TXNDC8: variants seen among roughly 807,000 people sequenced by gnomAD.
TXNDC8 encodes thioredoxin domain containing 8, also known as thioredoxin domain-containing protein 8.
In TXNDC8, 15 loss-of-function variants were observed where a neutral mutation model predicts 12.9. That is an observed-to-expected ratio of 1.16 (90% CI 0.78 to 1.79). TXNDC8 has a LOEUF of 1.79. Among genes scored for constraint, TXNDC8 ranks in the 40% most tolerant of loss-of-function variants. The probability of loss-of-function intolerance (pLI) is 0.00; values close to 1 mark genes in which losing one functional copy is unlikely to be tolerated. For synonymous variants in TXNDC8, 40 were observed against 35.4 expected (o/e 1.13, Z -0.46); for missense variants, 128 against 113.2 (o/e 1.13, Z -0.59).
At chr9:110,331,655 G>C (rs1181563143) in intron 2 of TXNDC8, among the ~76,000 whole-genome samples, 6 of 152,152 alleles carry the variant, frequency 3.9e-5, no homozygotes, top group Non-Finnish European at 5.9e-5. Context: ...GACTGGGGGT[G>C]GGGGGATGGT....
chr9:110,325,277 A>G (rs1283635754), intron 3 of TXNDC8, among the ~76,000 whole-genome samples: 1 of 152,214 alleles, frequency 6.6e-6, no homozygotes, highest in East Asian at 1.9e-4. Flanking sequence ...AATTCATTTA[A>G]TTATCACACC....
intron 1 of TXNDC8, among the ~76,000 whole-genome samples, chr9:110,336,954 A>T (rs867229147): frequency 1.4e-4 from 22 of 152,218 alleles, no homozygotes; most frequent in African/African-American, 4.6e-4. Flanking sequence ...ATTCTGTGAC[A>T]TCCCCAGAAT....
At chr9:110,323,744 C>T in intron 3 of TXNDC8, 2 of 1,167,726 alleles carry the variant, frequency 1.7e-6, no homozygotes, top group East Asian at 2.7e-5. Flanking sequence ...GCCATTAGTA[C>T]TCTTGGCTTG....
chr9:110,302,584 G>A (rs1006119131), downstream of TXNDC8, among the ~76,000 whole-genome samples: 4 of 134,508 alleles, frequency 3.0e-5, no homozygotes, highest in Non-Finnish European at 6.8e-5. Flanking sequence ...CAATTAGTAC[G>A]GTACAGAAGA....
intron 3 of TXNDC8, chr9:110,324,085 T>C (rs963381818): frequency 6.9e-7 from 1 of 1,459,370 alleles, no homozygotes; most frequent in South Asian, 1.4e-5. Flanking sequence ...GAATGGATGC[T>C]GGGTGCCAAA....
Position 110,303,559 on chromosome 9 carries a change from C to T in TXNDC8, c.*123G>A, listed in dbSNP as rs1838317547. 2.6e-6 allele frequency: 4 copies of T among 1,532,794 alleles called. No individual in the cohort carries two copies. Among genetic ancestry groups the T allele is most frequent in the African/African-American group, 1.4e-5 (1 of 72,668 alleles). 94.9% of individuals were successfully genotyped at this position (1,532,794 alleles called of 1,614,324 possible). A position where few individuals can be genotyped will look rare whatever the true frequency, so the allele number is the denominator to read the frequency against. Reference sequence around the variant, plus strand: ...TGAGTCTTGGCTTCCAATTTTTTAGCATCGGCTCCACAAAACTCAAAAATC... The same window carrying T: ...TGAGTCTTGGCTTCCAATTTTTTAGTATCGGCTCCACAAAACTCAAAAATC... On this transcript the variant is annotated 3_prime_UTR_variant, in exon 5 of 5. Coordinates refer to ENST00000423740, the MANE Select transcript of TXNDC8 (RefSeq NM_001286946.2).
In TXNDC8 at chr9:110,303,671, A is replaced by G; in HGVS notation, c.*11T>C. The G allele has an allele frequency of 6.2e-7, 1 of 1,602,178 alleles. No individual in the cohort carries two copies. The highest frequency in any genetic ancestry group is 1.1e-5 in the South Asian group (1 of 89,978). Reference sequence around the variant, plus strand: ...TTTAAGGAATTTTATTCCTGATTGAAAAGTTAAATCCTACTCATTTCCATC... The same window carrying G: ...TTTAAGGAATTTTATTCCTGATTGAGAAGTTAAATCCTACTCATTTCCATC... On this transcript the variant is annotated 3_prime_UTR_variant, in exon 5 of 5. Transcript: ENST00000423740.
intron 1 of TXNDC8, among the ~76,000 whole-genome samples, chr9:110,336,264 C>A (rs1369935097): frequency 6.6e-6 from 1 of 152,220 alleles, no homozygotes; most frequent in Non-Finnish European, 1.5e-5. Context: ...ATAGCCTTGA[C>A]AATTATGTGG....
intron 3 of TXNDC8, chr9:110,322,477 A>G (rs1394368799): frequency 2.0e-6 from 2 of 985,424 alleles, no homozygotes; most frequent in Non-Finnish European, 1.2e-6. Context: ...ATAATTGTTT[A>G]TAAATGTCCT....
At chr9:110,328,516 G>C (rs1007183303) in intron 2 of TXNDC8, among the ~76,000 whole-genome samples, 1 of 152,306 alleles carries the variant, frequency 6.6e-6, no homozygotes, top group East Asian at 1.9e-4. Flanking sequence ...TTTAGAAGTT[G>C]ATTAACAAGG....
intron 3 of TXNDC8, among the ~76,000 whole-genome samples, chr9:110,320,943 C>A (rs973415331): frequency 2.0e-5 from 3 of 152,144 alleles, no homozygotes; most frequent in African/African-American, 7.2e-5. Context: ...TCTTCTTTGC[C>A]CTAGAACTAG....
intron 3 of TXNDC8, among the ~76,000 whole-genome samples, chr9:110,325,810 CGCCCG>C (rs1839293048): frequency 1.3e-5 from 2 of 152,280 alleles, no homozygotes; most frequent in South Asian, 4.1e-4. Context: ...TGAGCCACCG[CGCCCG>C]GCCTGCAACT....
At chr9:110,337,138 C>T (rs1379598112) in intron 1 of TXNDC8, among the ~76,000 whole-genome samples, 1 of 152,186 alleles carries the variant, frequency 6.6e-6, no homozygotes, top group Admixed American at 6.5e-5. Context: ...TGCTGGTGGA[C>T]ATGAGGCTCA....
At chr9:110,305,666 TTC>T (rs1838429507) in intron 3 of TXNDC8, among the ~76,000 whole-genome samples, 1 of 144,164 alleles carries the variant, frequency 6.9e-6, no homozygotes. Context: ...CTTTCTTTCT[TTC>T]TCTTTCTTAC....
chr9:110,317,123 G>A (rs74996672), intron 3 of TXNDC8, among the ~76,000 whole-genome samples: 4,714 of 152,242 alleles, frequency 0.031, 229 homozygotes, highest in African/African-American at 0.11. Context: ...ATCTAATGTC[G>A]TGGGAATTCA....
chr9:110,322,055 C>T (rs1221662290), intron 3 of TXNDC8, among the ~76,000 whole-genome samples: 1 of 152,132 alleles, frequency 6.6e-6, no homozygotes, highest in East Asian at 1.9e-4. Flanking sequence ...GTCAGTATTA[C>T]AAATTTTTCT....
intron 3 of TXNDC8, among the ~76,000 whole-genome samples, chr9:110,317,236 G>A (rs1216213474): frequency 1.3e-5 from 2 of 152,126 alleles, no homozygotes. Flanking sequence ...TTTATTCTCA[G>A]GGATAAACAT....
intron 2 of TXNDC8, 53 bp from the exon 4 acceptor site, chr9:110,326,293 T>C: frequency 6.3e-7 from 1 of 1,586,878 alleles, no homozygotes; most frequent in Non-Finnish European, 8.6e-7. Flanking sequence ...CCTCTCTCTG[T>C]ACCAAGCATG....
chr9:110,329,251 A>G, intron 2 of TXNDC8: 1 of 1,612,036 alleles, frequency 6.2e-7, no homozygotes, highest in Admixed American at 1.7e-5. Context: ...GTTCACATCC[A>G]CATTAGCAAA....
Sources: gnomAD v4.1 joint callset for allele counts (sites outside exome capture counted in the v4.1 genomes callset) on GRCh38, gnomAD v4.1.1 for gene constraint, MANE v1.5 for transcripts, NCBI Gene and HGNC (gene_info 2026-07-23, HGNC 2026-07-21) for gene names.